SPOCK3: variants seen among roughly 807,000 people sequenced by gnomAD.
The protein encoded by SPOCK3 is SPARC (osteonectin), cwcv and kazal like domains proteoglycan 3.
SPOCK3 carries 30 observed loss-of-function variants against 56.6 expected under a neutral mutation model. The observed-to-expected ratio is 0.53, with a 90% CI of 0.40 to 0.72. The LOEUF is 0.72. Among genes scored for constraint, SPOCK3 ranks in the 30% least tolerant of loss-of-function variants. The pLI, the probability that SPOCK3 is intolerant of heterozygous loss-of-function variation, is 0.00. For synonymous variants in SPOCK3, 196 were observed against 183.3 expected (o/e 1.07, Z -0.56); for missense variants, 527 against 530.0 (o/e 0.99, Z 0.06).
Position 166,912,601 on chromosome 4 carries a change from C to G in SPOCK3, c.474+19G>C. The G allele has an allele frequency of 6.2e-7, 1 of 1,612,722 alleles. No homozygotes were observed. Among genetic ancestry groups the G allele is most frequent in the Non-Finnish European group, 8.5e-7 (1 of 1,179,198 alleles). ...TATGCATCCCTTATTTCAAACTAAACAACTGTAGGTGTCTTTACCTGAAAA... is the reference window on the plus strand; with the variant it reads ...TATGCATCCCTTATTTCAAACTAAAGAACTGTAGGTGTCTTTACCTGAAAA... On this transcript the variant is annotated intron_variant, in intron 5 of 10. Transcript: ENST00000357545.
chr4:167,095,215 C>T (rs1190976679), intron 2 of SPOCK3, among the ~76,000 whole-genome samples: 2 of 151,986 alleles, frequency 1.3e-5, no homozygotes, highest in Admixed American at 6.6e-5. Context: ...TATCTGGGAA[C>T]CCTCTGGCCT....
chr4:167,084,134 G>A (rs1205406284), intron 2 of SPOCK3, among the ~76,000 whole-genome samples: 2 of 151,994 alleles, frequency 1.3e-5, no homozygotes, highest in African/African-American at 4.8e-5. Flanking sequence ...ACATGTACAA[G>A]AGCACCTAAT....
At chr4:166,918,580 G>T (rs1300208217) in intron 4 of SPOCK3, 1 of 152,014 alleles carries the variant, frequency 6.6e-6, no homozygotes, top group Non-Finnish European at 1.5e-5. Flanking sequence ...AGCTTATTCT[G>T]CAATATGAAT....
intron 2 of SPOCK3, among the ~76,000 whole-genome samples, chr4:167,105,235 A>C (rs1226445504): frequency 1.3e-5 from 2 of 151,980 alleles, no homozygotes; most frequent in Non-Finnish European, 2.9e-5. Context: ...GAACTACAAC[A>C]ACTTTCCAAG....
intron 2 of SPOCK3, among the ~76,000 whole-genome samples, chr4:167,136,577 T>C (rs1469452383): frequency 6.6e-6 from 1 of 152,172 alleles, no homozygotes; most frequent in Non-Finnish European, 1.5e-5. Context: ...TCAGTCAAAA[T>C]ATTGTCAAAT....
intron 4 of SPOCK3, among the ~76,000 whole-genome samples, chr4:166,983,132 C>T (rs1342964077): frequency 3.3e-5 from 5 of 152,020 alleles, no homozygotes; most frequent in African/African-American, 1.2e-4. Flanking sequence ...AGTCTATACC[C>T]AAAGGAGGAA....
intron 4 of SPOCK3, among the ~76,000 whole-genome samples, chr4:166,948,648 G>T (rs1437592734): frequency 6.6e-6 from 1 of 151,938 alleles, no homozygotes; most frequent in African/African-American, 2.4e-5. Flanking sequence ...ATATCTGTTG[G>T]CCATTAATAT....
rs763643393 is a variant in SPOCK3, at chr4:166,826,057, A to C, written c.590-33768T>G. On this transcript the variant is annotated intron_variant, in intron 6 of 10. Transcript: ENST00000357545. ...AACTATTAAATTTTTTAAGAAAGAC[A>C]GTAATATAGTAGAGTTGTAAGATCC... Among the ~76,000 whole-genome samples, 3 of 152,116 alleles carry C rather than the reference A, an allele frequency of 2.0e-5. No individual in the cohort carries two copies. The South Asian group carries it at 6.2e-4, about 31-fold the overall frequency.
chr4:167,031,748 A>G (rs373957152), intron 3 of SPOCK3, among the ~76,000 whole-genome samples: 3 of 151,902 alleles, frequency 2.0e-5, no homozygotes, highest in Non-Finnish European at 2.9e-5. Flanking sequence ...TCTCTGTTGA[A>G]ACTCCTTTCT....
chr4:167,035,548 C>A (rs973811573), intron 3 of SPOCK3, among the ~76,000 whole-genome samples: 2 of 152,090 alleles, frequency 1.3e-5, no homozygotes, highest in Non-Finnish European at 2.9e-5. Flanking sequence ...CATGGATTAA[C>A]CATGTTCTAC....
At chr4:166,964,771 A>C (rs976634281) in intron 4 of SPOCK3, among the ~76,000 whole-genome samples, 1 of 151,890 alleles carries the variant, frequency 6.6e-6, no homozygotes, top group African/African-American at 2.4e-5. Context: ...AAAGAACTAA[A>C]ATTAAAGAAG....
intron 7 of SPOCK3, among the ~76,000 whole-genome samples, chr4:166,774,521 A>G (rs1235208500): frequency 6.6e-6 from 1 of 152,174 alleles, no homozygotes; most frequent in African/African-American, 2.4e-5. Context: ...CCCAACAGCC[A>G]TCTCGGGCAG....
At chr4:166,837,076 A>T (rs1321853309) in intron 6 of SPOCK3, among the ~76,000 whole-genome samples, 1 of 152,178 alleles carries the variant, frequency 6.6e-6, no homozygotes, top group Admixed American at 6.5e-5. Flanking sequence ...CTGCCTCACC[A>T]TCTTTAATAA....
chr4:166,849,533 A>C (rs2126865932), intron 6 of SPOCK3, among the ~76,000 whole-genome samples: 1 of 152,304 alleles, frequency 6.6e-6, no homozygotes, highest in Admixed American at 6.5e-5. Flanking sequence ...TTCATAAGAG[A>C]ACAAGAAATT....
chr4:167,126,995 A>G (rs1297674471), intron 2 of SPOCK3, among the ~76,000 whole-genome samples: 1 of 152,078 alleles, frequency 6.6e-6, no homozygotes, highest in Non-Finnish European at 1.5e-5. Context: ...TCATACTGCA[A>G]AGTACAGCCA....
intron 4 of SPOCK3, among the ~76,000 whole-genome samples, chr4:166,964,158 T>C (rs1247040943): frequency 6.6e-6 from 1 of 151,752 alleles, no homozygotes; most frequent in Non-Finnish European, 1.5e-5. Context: ...AATTAAAGGA[T>C]AAACAGTCCT....
At chr4:167,089,273 A>G (rs1031758802) in intron 2 of SPOCK3, among the ~76,000 whole-genome samples, 2 of 152,136 alleles carry the variant, frequency 1.3e-5, no homozygotes, top group Non-Finnish European at 2.9e-5. Flanking sequence ...GAAGACTAAG[A>G]ATGTCTAGGA....
intron 6 of SPOCK3, among the ~76,000 whole-genome samples, chr4:166,857,308 C>T (rs1730797038): frequency 6.6e-6 from 1 of 152,264 alleles, no homozygotes; most frequent in East Asian, 1.9e-4. Flanking sequence ...CAGACCCCAC[C>T]TCTGGCAGGA....
At chr4:167,072,491 T>TA (rs1448769610) in intron 2 of SPOCK3, among the ~76,000 whole-genome samples, 1 of 151,896 alleles carries the variant, frequency 6.6e-6, no homozygotes, top group African/African-American at 2.4e-5. Context: ...AAAGAAGGCT[T>TA]AAAAAAATGA....
Sources: gnomAD v4.1 joint callset for allele counts (sites outside exome capture counted in the v4.1 genomes callset) on GRCh38, gnomAD v4.1.1 for gene constraint, MANE v1.5 for transcripts, NCBI Gene and HGNC (gene_info 2026-07-23, HGNC 2026-07-21) for gene names.